The following IKZF2 variants were observed in gnomAD, a reference collection of about 807,000 sequenced individuals.
IKZF2 encodes zinc finger protein Helios.
IKZF2 carries 15 observed loss-of-function variants against 49.2 expected under a neutral mutation model. The observed-to-expected ratio is 0.30, with a 90% CI of 0.20 to 0.47. The LOEUF is 0.47. Among genes scored for constraint, IKZF2 ranks in the 20% least tolerant of loss-of-function variants. The pLI is 1.00. For synonymous variants in IKZF2, 227 were observed against 221.4 expected (o/e 1.03, Z -0.23); for missense variants, 567 against 664.6 (o/e 0.85, Z 1.61).
intron 4 of IKZF2, 78 bp from the exon 5 acceptor site, chr2:213,057,177 C>A: frequency 7.9e-7 from 1 of 1,269,960 alleles, no homozygotes; most frequent in Non-Finnish European, 1.1e-6. Flanking sequence ...TACTCATTGT[C>A]ATCCTACTAA....
intron 2 of IKZF2, among the ~76,000 whole-genome samples, chr2:213,149,716 C>G (rs893769303): frequency 1.3e-5 from 2 of 151,738 alleles, no homozygotes; most frequent in African/African-American, 4.8e-5. Context: ...AGCTTCACTT[C>G]TTGTCTCCAA....
At chr2:213,022,215 G>C in intron 6 of IKZF2, 85 bp from the exon 7 acceptor site, 1 of 1,276,894 alleles carries the variant, frequency 7.8e-7, no homozygotes, top group Non-Finnish European at 1.0e-6. Flanking sequence ...ATAGTCTGGA[G>C]GAAGCACTCA....
chr2:213,149,446 AC>A (rs1298901242), intron 2 of IKZF2, among the ~76,000 whole-genome samples: 1 of 152,002 alleles, frequency 6.6e-6, no homozygotes, highest in Non-Finnish European at 1.5e-5. Flanking sequence ...ATGAGATGAC[AC>A]CCCCTAGCTT....
rs201148311 is a variant in IKZF2, at chr2:213,000,184, T to C, written c.*7176A>G. The C allele has an allele frequency of 6.7e-6, 1 of 148,868 alleles. No individual in the cohort carries two copies. The highest frequency in any genetic ancestry group is 2.1e-4 in the South Asian group (1 of 4,752). The allele number at this position is 148,868 out of a possible 1,614,324, so 9.2% of individuals were successfully genotyped here. On this transcript the variant is annotated 3_prime_UTR_variant, in exon 9 of 9. Coordinates refer to ENST00000434687, the MANE Select transcript of IKZF2 (RefSeq NM_001387220.1). Reference sequence around the variant, plus strand: ...TTTCTGAGGTATGGTATTTGAGCCTTAAAAAAACTACATTACACTTAGCAA... The same window carrying C: ...TTTCTGAGGTATGGTATTTGAGCCTCAAAAAAACTACATTACACTTAGCAA...
chr2:213,149,292 T>C (rs1241532058), intron 2 of IKZF2, among the ~76,000 whole-genome samples: 1 of 152,096 alleles, frequency 6.6e-6, no homozygotes, highest in Non-Finnish European at 1.5e-5. Context: ...CCAAGCCTAC[T>C]TAATACAGTC....
At chr2:213,044,387 G>A (rs990966899) in intron 6 of IKZF2, among the ~76,000 whole-genome samples, 2 of 152,132 alleles carry the variant, frequency 1.3e-5, no homozygotes, top group Non-Finnish European at 2.9e-5. Context: ...TTTCTTGTCA[G>A]GATCCTGACT....
intron 4 of IKZF2, among the ~76,000 whole-genome samples, chr2:213,078,503 G>A (rs981530808): frequency 2.0e-5 from 3 of 152,174 alleles, no homozygotes; most frequent in Non-Finnish European, 4.4e-5. Flanking sequence ...ATATGAAGTA[G>A]GTGCTATTAT....
At position 213,057,142 on chromosome 2, in the gene IKZF2, T is replaced by C. The variant is rs771581388; in HGVS notation, c.140-43A>G. The C allele has an allele frequency of 3.3e-6, 5 of 1,535,760 alleles. No homozygotes were observed. The South Asian group carries it at 3.5e-5, about 11-fold the overall frequency. ...GAAAATAAATTTTAAATACATGTTA[T>C]GTATTCTCACCTACATCTCTTTTCT... On this transcript the variant is annotated intron_variant, in intron 4 of 8. Transcript: ENST00000434687.
In IKZF2 at chr2:213,096,436, A is replaced by G. The variant is rs180946700; in HGVS notation, c.140-39337T>C. Among the ~76,000 whole-genome samples the G allele has an allele frequency of 5.6e-3, 853 of 151,620 alleles. 10 individuals carry two copies. Among genetic ancestry groups the G allele is most frequent in the African/African-American group, 0.02 (820 of 41,122 alleles). ...TTTTAGCATGTTTCTTTTCAAAAAAATTTGAGATTTTATCTATCGATAAAC... is the reference window on the plus strand; with the variant it reads ...TTTTAGCATGTTTCTTTTCAAAAAAGTTTGAGATTTTATCTATCGATAAAC... On this transcript the variant is annotated intron_variant, in intron 4 of 8. Coordinates refer to ENST00000434687, the MANE Select transcript of IKZF2 (RefSeq NM_001387220.1).
At chr2:213,133,375 C>T (rs1179921276) in intron 4 of IKZF2, among the ~76,000 whole-genome samples, 2 of 152,166 alleles carry the variant, frequency 1.3e-5, no homozygotes, top group Admixed American at 6.5e-5. Flanking sequence ...TTAGGTCCCA[C>T]TTCTTTATAT....
intron 4 of IKZF2, among the ~76,000 whole-genome samples, chr2:213,138,694 TA>T (rs1170858478): frequency 6.6e-5 from 10 of 152,054 alleles, no homozygotes; most frequent in African/African-American, 2.2e-4. Flanking sequence ...GGCCCACAAA[TA>T]AATCTATATG....
intron 4 of IKZF2, chr2:213,147,269 A>AT (rs1348111511): frequency 1.2e-5 from 3 of 251,016 alleles, no homozygotes; most frequent in East Asian, 7.7e-5. Context: ...AAACTTTCAC[A>AT]TTTTTTAAAA....
At chr2:213,138,246 G>A (rs960273034) in intron 4 of IKZF2, among the ~76,000 whole-genome samples, 2 of 152,042 alleles carry the variant, frequency 1.3e-5, no homozygotes, top group African/African-American at 4.8e-5. Context: ...GATGATGGTG[G>A]TGTCATGGAA....
intron 4 of IKZF2, among the ~76,000 whole-genome samples, chr2:213,079,630 T>TAC (rs1315965062): frequency 6.6e-5 from 10 of 152,026 alleles, no homozygotes; most frequent in Non-Finnish European, 8.8e-5. Flanking sequence ...TCTTGTATAC[T>TAC]ACCAAGAGAG....
chr2:213,087,662 C>T (rs1290550056), intron 4 of IKZF2, among the ~76,000 whole-genome samples: 6 of 152,120 alleles, frequency 3.9e-5, no homozygotes. Flanking sequence ...TCCCTGCACC[C>T]CATGACAGGC....
At chr2:213,128,553 C>T (rs893437696) in intron 4 of IKZF2, among the ~76,000 whole-genome samples, 1 of 152,118 alleles carries the variant, frequency 6.6e-6, no homozygotes, top group African/African-American at 2.4e-5. Flanking sequence ...TACAGGGCCT[C>T]ACCCCAAAAC....
intron 4 of IKZF2, among the ~76,000 whole-genome samples, chr2:213,111,498 CA>C (rs2059701844): frequency 6.6e-6 from 1 of 151,952 alleles, no homozygotes; most frequent in Non-Finnish European, 1.5e-5. Flanking sequence ...TTTATGGATA[CA>C]AAACATACCA....
intron 7 of IKZF2, among the ~76,000 whole-genome samples, chr2:213,018,307 TTTAA>T (rs1212834774): frequency 3.3e-5 from 5 of 152,092 alleles, no homozygotes; most frequent in Admixed American, 2.0e-4. Flanking sequence ...AATTAAATAA[TTTAA>T]TTATATAAAT....
intron 6 of IKZF2, among the ~76,000 whole-genome samples, chr2:213,028,263 A>G (rs1432173212): frequency 6.6e-6 from 1 of 152,088 alleles, no homozygotes; most frequent in East Asian, 1.9e-4. Flanking sequence ...CTATACTTAA[A>G]CCAACAGAGC....
Sources: allele counts gnomAD v4.1 joint callset (sites outside exome capture counted in the v4.1 genomes callset), GRCh38; gene constraint gnomAD v4.1.1; transcripts MANE v1.5; gene names NCBI Gene and HGNC (gene_info 2026-07-23, HGNC 2026-07-21).